Variants in CARMIL3 observed in about 807,000 individuals in gnomAD.
CARMIL3 encodes capping protein regulator and myosin 1 linker 3.
Under a neutral mutation model 180.8 loss-of-function variants are expected in CARMIL3, and 88 were observed. The observed-to-expected ratio is 0.49, with a 90% CI of 0.41 to 0.58. The LOEUF is 0.58. CARMIL3 is among the 20% of genes least tolerant of loss of function. The pLI is 0.00. For missense variants in CARMIL3, 1,548 were observed against 1,787.0 expected (o/e 0.87, Z 2.41); for synonymous variants, 696 against 714.5 (o/e 0.97, Z 0.41).
At chr14:24,066,377 C>G in intron 34 of CARMIL3, 21 bp from the exon 35 acceptor site, 1 of 1,613,260 alleles carries the variant, frequency 6.2e-7, no homozygotes, top group South Asian at 1.1e-5. Context: ...TTTCTTACAA[C>G]CTGACCCACT....
intron 33 of CARMIL3, 47 bp from the exon 34 acceptor site, chr14:24,065,574 AG>A: frequency 6.4e-7 from 1 of 1,559,072 alleles, no homozygotes; most frequent in Non-Finnish European, 8.7e-7. Context: ...CAGCCTGGGG[AG>A]CCCCCTTCGA....
intron 10 of CARMIL3, 76 bp from the exon 11 acceptor site, chr14:24,056,223 T>G: frequency 1.7e-6 from 2 of 1,210,404 alleles, no homozygotes; most frequent in Non-Finnish European, 2.4e-6. Context: ...GGCAGTCAGG[T>G]AGAGGAGGAG....
In CARMIL3 at chr14:24,061,723, C is replaced by G. The variant is rs761405857; in HGVS notation, c.2480+51C>G. 6 of 1,563,016 alleles carry G rather than the reference C, an allele frequency of 3.8e-6. No individual in the cohort carries two copies. In the African/African-American group the frequency reaches 5.4e-5, roughly 14 times the overall value. On this transcript the variant is annotated intron_variant, in intron 27 of 39. Transcript: ENST00000342740. The surrounding 1 kb of genome is among the most constrained non-coding windows in gnomAD (Gnocchi z 4.1). ...GCTGAGCTGGATTTGGCCCAGATCACTTAGGGACTTAGGACTGGAGAGCTA... is the reference window on the plus strand; with the variant it reads ...GCTGAGCTGGATTTGGCCCAGATCAGTTAGGGACTTAGGACTGGAGAGCTA...
At chr14:24,069,021 C>T (rs2035826534) in intron 38 of CARMIL3, 55 bp downstream of exon 38, 1 of 1,558,374 alleles carries the variant, frequency 6.4e-7, no homozygotes, top group Non-Finnish European at 8.7e-7. Flanking sequence ...CTTTGCTGTC[C>T]ACATCAGGTC....
At position 24,061,936 on chromosome 14, in the gene CARMIL3, G is replaced by A; in HGVS notation, c.2480+264G>A. 1 of 436,738 alleles carries A rather than the reference G, an allele frequency of 2.3e-6. No individual in the cohort carries two copies. Among genetic ancestry groups the A allele is most frequent in the Non-Finnish European group, 4.1e-6 (1 of 245,018 alleles). 27.1% of individuals were successfully genotyped at this position (436,738 alleles called of 1,614,324 possible). On this transcript the variant is annotated intron_variant, in intron 27 of 39. Transcript: ENST00000342740. This position sits in a 1 kb window ranked among gnomAD's most constrained non-coding sequence, Gnocchi z 4.1. ...ACCCACACAAATACACCAGGAATGG[G>A]ATAGCAGGGCCTCCTCGGAGGCATG...
rs549435281 is a variant in CARMIL3 at position 24,052,245 on chromosome 14, C to T, written c.40+52C>T. 46 of 1,520,934 alleles carry T rather than the reference C, an allele frequency of 3.0e-5. 2 individuals carry two copies. In the South Asian group the frequency reaches 5.5e-4, roughly 18 times the overall value. 94.2% of individuals were successfully genotyped at this position (1,520,934 alleles called of 1,614,324 possible). ...CGCCCCGTCCGGGAGCATCCCAGACCCAGCGCGTTCCTCCCCGTGGTGCAT... is the reference window on the plus strand; with the variant it reads ...CGCCCCGTCCGGGAGCATCCCAGACTCAGCGCGTTCCTCCCCGTGGTGCAT... On this transcript the variant is annotated intron_variant, in intron 1 of 39. Coordinates refer to ENST00000342740, the MANE Select transcript of CARMIL3 (RefSeq NM_138360.4).
Position 24,068,797 on chromosome 14 carries a change from C to T in CARMIL3, c.3813C>T (p.Pro1271=), listed in dbSNP as rs373427136. ...CCTTCCTCTGCCAGCTACAGGACCC[C>T]GCTCTAGCTCCATGGCCTCCCAAGC... ...LPARNAKLQD[P]ALAPWPPKPV... The change falls in exon 38 of 40, where the codon CCC becomes CCT. Residue 1271 remains proline, a synonymous_variant. Transcript: ENST00000342740. The T allele has an allele frequency of 3.1e-5, 50 of 1,613,860 alleles. No homozygotes were observed. The highest frequency in any genetic ancestry group is 3.6e-5 in the Non-Finnish European group (43 of 1,180,026).
Position 24,066,591 on chromosome 14 carries a change from C to T in CARMIL3, c.3617C>T (p.Pro1206Leu). The T allele has an allele frequency of 6.2e-7, 1 of 1,614,234 alleles. No homozygotes were observed. Among genetic ancestry groups the T allele is most frequent in the Non-Finnish European group, 8.5e-7 (1 of 1,180,040 alleles). ...DAGPGSWKPPPPPQSTKPSFS... is the reference protein window; with the variant it reads ...DAGPGSWKPPLPPQSTKPSFS... ...GGGCCTGGATCCTGGAAGCCCCCAC[C>T]ACCGCCCCAAAGCACCAAACCAAGC... The change falls in exon 36 of 40, where the codon CCA becomes CTA. Residue 1206 changes from proline to leucine, a missense_variant. Around this residue, in one of 4 missense-constraint regions of CARMIL3, gnomAD observed 668 missense variants for 687.8 expected, o/e 0.97. Coordinates refer to ENST00000342740, the MANE Select transcript of CARMIL3 (RefSeq NM_138360.4).
rs918597249 is a variant in CARMIL3 at position 24,065,038 on chromosome 14, G to A, written c.3161G>A (p.Gly1054Asp). Residue 1054 changes from glycine to aspartate, a missense_variant, in exon 33 of 40, where the codon GGC becomes GAC. This residue lies in a region of CARMIL3 where 668 missense variants were observed against 687.8 expected (regional missense o/e 0.97). Transcript: ENST00000342740. ...CCACTCCAGAAGAAGAGGCGCCGGG[G>A]CCTGTTTCACTTTCGCCGGCCCCGG... ...LPPLQKKRRR[G>D]LFHFRRPRSF... The A allele has an allele frequency of 6.2e-7, 1 of 1,609,754 alleles. No homozygotes were observed.
Position 24,054,289 on chromosome 14 carries a change from C to G in CARMIL3, c.234C>G (p.Leu78=), listed in dbSNP as rs2035649779. 3 of 1,614,192 alleles carry G rather than the reference C, an allele frequency of 1.9e-6. No homozygotes were observed. The highest frequency in any genetic ancestry group is 2.5e-6 in the Non-Finnish European group (3 of 1,180,028). ...NVLEIRAFNT[L]SQNQILVETE... is the part of the protein sequence containing the mutation. ...TGGAGATCCGTGCCTTCAACACGCT[C>G]AGTCAGAATCAGGTGAGTACCAGGG... The change falls in exon 4 of 40, where the codon CTC becomes CTG. Residue 78 remains leucine, a synonymous_variant. Transcript: ENST00000342740. The surrounding 1 kb of genome is among the most constrained non-coding windows in gnomAD (Gnocchi z 5.1).
intron 1 of CARMIL3, among the ~76,000 whole-genome samples, chr14:24,052,894 C>T (rs1232410219): frequency 6.6e-6 from 1 of 152,200 alleles, no homozygotes; most frequent in South Asian, 2.1e-4. Flanking sequence ...CAACCCTGAC[C>T]CCCAGAGACG....
At chr14:24,068,747 A>G (rs1331378746) in intron 37 of CARMIL3, 39 bp from the exon 38 acceptor site, 2 of 1,613,934 alleles carry the variant, frequency 1.2e-6, no homozygotes, top group Admixed American at 1.7e-5. Flanking sequence ...TGATGAGGCA[A>G]AGGGACTAAC....
At chr14:24,064,801 A>G (rs889766840) in intron 32 of CARMIL3, among the ~76,000 whole-genome samples, 157 bp from the exon 33 acceptor site, 5 of 152,158 alleles carry the variant, frequency 3.3e-5, no homozygotes, top group African/African-American at 1.2e-4. Flanking sequence ...GAGGATTACA[A>G]CGGGACAGGA....
At chr14:24,056,491 C>T in intron 11 of CARMIL3, 98 bp downstream of exon 11, 1 of 1,470,460 alleles carries the variant, frequency 6.8e-7, no homozygotes, top group South Asian at 1.2e-5. Flanking sequence ...CAGCCTGATT[C>T]CAGCCCCTGC....
chr14:24,052,298 C>G (rs1157181001), intron 1 of CARMIL3, 105 bp downstream of exon 1: 6 of 1,150,576 alleles, frequency 5.2e-6, no homozygotes, highest in African/African-American at 1.6e-5. Context: ...CACCCCTCAC[C>G]CCATGCATCC....
At chr14:24,062,202 C>T (rs1226048574) in intron 27 of CARMIL3, 2 of 543,378 alleles carry the variant, frequency 3.7e-6, no homozygotes, top group Non-Finnish European at 6.6e-6. Flanking sequence ...CACTGGGGCT[C>T]CAGGGGCCTG....
Position 24,054,742 on chromosome 14 carries a change from C to G in CARMIL3, c.394C>G (p.Pro132Ala). Residue 132 changes from proline to alanine, a missense_variant, in exon 6 of 40, where the codon CCA (proline) becomes GCA (alanine). By Grantham distance (27) the Pro-to-Ala change is conservative (BLOSUM62 -1). Transcript: ENST00000342740. This position sits in a 1 kb window ranked among gnomAD's most constrained non-coding sequence, Gnocchi z 5.1. The part of the protein sequence containing the change: ...CLIRRGNADT[P>A]EGPRDTSPNS... Reference sequence around the variant, plus strand: ...GATCCGGCGTGGAAACGCAGACACCCCAGAGGGGCCCCGAGATACATCCCC... The same window carrying G: ...GATCCGGCGTGGAAACGCAGACACCGCAGAGGGGCCCCGAGATACATCCCC... 6.2e-7 allele frequency: 1 copy of G among 1,614,120 alleles called. No homozygotes were observed. The highest frequency in any genetic ancestry group is 1.3e-5 in the African/African-American group (1 of 75,066).
At chr14:24,055,503 C>T (rs1484778839) in intron 8 of CARMIL3, 40 bp from the exon 9 acceptor site, 3 of 1,609,300 alleles carry the variant, frequency 1.9e-6, no homozygotes, top group Non-Finnish European at 2.6e-6. Flanking sequence ...GACCCAACCA[C>T]CTGCTCACCA....
intron 36 of CARMIL3, among the ~76,000 whole-genome samples, chr14:24,067,748 GCA>G (rs2035801352): frequency 6.6e-6 from 1 of 152,264 alleles, no homozygotes; most frequent in African/African-American, 2.4e-5. Flanking sequence ...TTGCCCCACT[GCA>G]CACACACCTC....
Sources: allele counts gnomAD v4.1 joint callset (sites outside exome capture counted in the v4.1 genomes callset), GRCh38; gene constraint gnomAD v4.1.1; regional missense constraint gnomAD v4.1.1; non-coding constraint Gnocchi (gnomAD v3.1); transcripts MANE v1.5; gene names NCBI Gene and HGNC (gene_info 2026-07-23, HGNC 2026-07-21).